SLC35D4: variants seen among roughly 807,000 people sequenced by gnomAD.
SLC35D4 encodes solute carrier family 35 member D4.
At chr18:23,340,691 C>T in the SLC35D4 span, among the ~76,000 whole-genome samples, 2 of 152,246 alleles carry the variant, frequency 1.3e-5, no homozygotes, top group African/African-American at 2.4e-5. Context: ...TCATTGTCTT[C>T]GGGACATGAG....
chr18:23,426,842 A>G, the SLC35D4 span, among the ~76,000 whole-genome samples: 3 of 152,236 alleles, frequency 2.0e-5, no homozygotes, highest in Non-Finnish European at 2.9e-5. Context: ...GGAACAGAAC[A>G]GAGCCCCCAG....
chr18:23,361,215 C>A, the SLC35D4 span, among the ~76,000 whole-genome samples: 1 of 151,594 alleles, frequency 6.6e-6, no homozygotes, highest in South Asian at 2.1e-4. Flanking sequence ...TGAACAGATT[C>A]TTCCAAGACT....
At chr18:23,437,676 G>A in the SLC35D4 span, 2 of 1,214,854 alleles carry the variant, frequency 1.6e-6, no homozygotes, top group Non-Finnish European at 1.2e-6. Flanking sequence ...ATCGCCACCA[G>A]GAAGAATGAG....
chr18:23,391,466 C>A, the SLC35D4 span, among the ~76,000 whole-genome samples: 2 of 152,156 alleles, frequency 1.3e-5, no homozygotes, highest in African/African-American at 4.8e-5. Context: ...AGTCACCCAG[C>A]CTACCCTTTA....
chr18:23,284,020 C>T, the SLC35D4 span, among the ~76,000 whole-genome samples: 26 of 152,328 alleles, frequency 1.7e-4, no homozygotes, highest in South Asian at 3.3e-3. Flanking sequence ...AACTTCCTGA[C>T]GTTGCCATTG....
chr18:23,426,193 C>A, the SLC35D4 span, among the ~76,000 whole-genome samples: 2 of 151,982 alleles, frequency 1.3e-5, no homozygotes, highest in Non-Finnish European at 2.9e-5. Context: ...GCAATGGAAG[C>A]AATCATGAAA....
chr18:23,267,072 A>G, the SLC35D4 span, among the ~76,000 whole-genome samples: 1 of 152,226 alleles, frequency 6.6e-6, no homozygotes, highest in Non-Finnish European at 1.5e-5. Context: ...ATGGGGCCTG[A>G]CCCAGAAGAA....
At chr18:23,423,601 G>C in the SLC35D4 span, among the ~76,000 whole-genome samples, 1 of 152,298 alleles carries the variant, frequency 6.6e-6, no homozygotes, top group East Asian at 1.9e-4. Flanking sequence ...CCCCGGTCTA[G>C]TGAAAGTAAG....
chr18:23,275,030 C>T, the SLC35D4 span, among the ~76,000 whole-genome samples: 1 of 13,990 alleles, frequency 7.1e-5, no homozygotes, highest in Admixed American at 8.0e-4. Flanking sequence ...TGTGTGTCTG[C>T]TTGTATTTTG....
the SLC35D4 span, among the ~76,000 whole-genome samples, chr18:23,430,149 T>C: frequency 6.6e-6 from 1 of 152,212 alleles, no homozygotes; most frequent in Admixed American, 6.5e-5. Context: ...GATCTTACAT[T>C]TAAGTCTTTA....
chr18:23,269,660 G>A, the SLC35D4 span, among the ~76,000 whole-genome samples: 1 of 152,216 alleles, frequency 6.6e-6, no homozygotes, highest in Non-Finnish European at 1.5e-5. Flanking sequence ...CTAGAGACGT[G>A]TTGAATGGTT....
the SLC35D4 span, among the ~76,000 whole-genome samples, chr18:23,319,990 C>T: frequency 6.6e-6 from 1 of 152,082 alleles, no homozygotes; most frequent in African/African-American, 2.4e-5. Context: ...ATGGTTTTAT[C>T]TGTATTTTAT....
At chr18:23,351,526 C>A in the SLC35D4 span, among the ~76,000 whole-genome samples, 1 of 151,904 alleles carries the variant, frequency 6.6e-6, no homozygotes, top group Admixed American at 6.6e-5. Flanking sequence ...GAAACTTCAA[C>A]CCATAAAACA....
chr18:23,389,836 G>A, the SLC35D4 span, among the ~76,000 whole-genome samples: 27 of 152,144 alleles, frequency 1.8e-4, 1 homozygote, highest in Middle Eastern at 3.4e-3. Context: ...CACCATACCC[G>A]GCCAGTTTGC....
the SLC35D4 span, among the ~76,000 whole-genome samples, chr18:23,301,280 T>C: frequency 6.6e-6 from 1 of 152,182 alleles, no homozygotes; most frequent in South Asian, 2.1e-4. Flanking sequence ...AAGGCCCTTC[T>C]TACGTAGAAT....
the SLC35D4 span, among the ~76,000 whole-genome samples, chr18:23,311,077 A>C: frequency 1.3e-5 from 2 of 151,470 alleles, no homozygotes. Context: ...GCTGATGCGC[A>C]TGATGAATGT....
the SLC35D4 span, among the ~76,000 whole-genome samples, chr18:23,408,388 C>G: frequency 1.3e-5 from 2 of 152,318 alleles, no homozygotes; most frequent in African/African-American, 4.8e-5. Flanking sequence ...CAGAATGATT[C>G]TCCAGGCATT....
At chr18:23,275,847 GAACAGAT>G in the SLC35D4 span, among the ~76,000 whole-genome samples, 1 of 152,196 alleles carries the variant, frequency 6.6e-6, no homozygotes, top group South Asian at 2.1e-4. Flanking sequence ...AGAGACCCAA[GAACAGAT>G]GTCGTGTGAC....
chr18:23,304,140 G>A, the SLC35D4 span, among the ~76,000 whole-genome samples: 4 of 150,970 alleles, frequency 2.6e-5, no homozygotes, highest in Admixed American at 6.6e-5. Flanking sequence ...AGCCAGGCAC[G>A]GTGGCGGGCA....
Sources: gnomAD v4.1 joint callset for allele counts (sites outside exome capture counted in the v4.1 genomes callset) on GRCh38, gnomAD v4.1.1 for gene constraint, MANE v1.5 for transcripts, NCBI Gene and HGNC (gene_info 2026-07-23, HGNC 2026-07-21) for gene names.